Variants in DNAJC2 observed in about 807,000 individuals in gnomAD.
The protein encoded by DNAJC2 is DnaJ heat shock protein family (Hsp40) member C2.
Under a neutral mutation model 94.0 loss-of-function variants are expected in DNAJC2, and 32 were observed. The observed-to-expected ratio is 0.34, with a 90% CI of 0.26 to 0.46. DNAJC2 has a LOEUF of 0.46. Ranked by LOEUF, DNAJC2 falls within the 20% of genes least tolerant of loss-of-function variation. The pLI is 1.00. For missense variants in DNAJC2, 550 were observed against 719.5 expected (o/e 0.76, Z 2.69); for synonymous variants, 210 against 229.7 (o/e 0.91, Z 0.77).
intron 15 of DNAJC2, chr7:103,314,774 G>A: frequency 2.3e-6 from 1 of 435,048 alleles, no homozygotes; most frequent in Non-Finnish European, 3.1e-6. Context: ...GAAATTTTGG[G>A]ATAATAAGCA....
chr7:103,321,820 C>T lies in DNAJC2; in HGVS notation c.1083+112G>A, dbSNP rs915343220. ...CTGAGATCGCGCCACTGCACTCCAG[C>T]CTGGGCGACAGAGCGAGACCCCATC... On this transcript the variant is annotated intron_variant, in intron 10 of 16. Coordinates refer to ENST00000379263, the MANE Select transcript of DNAJC2 (RefSeq NM_014377.3). 3.6e-5 allele frequency: 46 copies of T among 1,266,352 alleles called. 1 individual carries two copies. In the South Asian group the frequency reaches 7.4e-4, roughly 20 times the overall value. 78.4% of individuals were successfully genotyped at this position (1,266,352 alleles called of 1,614,324 possible). A position where few individuals can be genotyped will look rare whatever the true frequency, so the allele number is the denominator to read the frequency against.
intron 10 of DNAJC2, among the ~76,000 whole-genome samples, chr7:103,321,315 A>G (rs111384886): frequency 0.05 from 7,569 of 151,486 alleles, 608 homozygotes; most frequent in African/African-American, 0.18. Flanking sequence ...TCAGGAGTTC[A>G]AGACCAGCCT....
intron 3 of DNAJC2, chr7:103,337,179 T>C (rs879673885): frequency 3.9e-5 from 6 of 152,480 alleles, no homozygotes; most frequent in African/African-American, 7.2e-5. Context: ...TTGCAAAGCA[T>C]AGGACATTTA....
rs1451115500 is a variant in DNAJC2 at position 103,337,571 on chromosome 7, C to T, written c.331+165G>A. ...TAAAATGGATTGCTTTCTTCTGATT[C>T]TGAAGGCAGGGGAGACCGTGGTTTT... On this transcript the variant is annotated intron_variant, in intron 3 of 16. Transcript: ENST00000379263. 7.0e-6 allele frequency: 4 copies of T among 567,912 alleles called. No individual in the cohort carries two copies. In the East Asian group the frequency reaches 1.2e-4, roughly 17 times the overall value. 35.2% of individuals were successfully genotyped at this position (567,912 alleles called of 1,614,324 possible). A position where few individuals can be genotyped will look rare whatever the true frequency, so the allele number is the denominator to read the frequency against.
chr7:103,330,605 C>T (rs951562171), intron 3 of DNAJC2, among the ~76,000 whole-genome samples: 1 of 152,136 alleles, frequency 6.6e-6, no homozygotes, highest in African/African-American at 2.4e-5. Context: ...CCATGTGCCA[C>T]TACGCCCGGC....
Position 103,344,636 on chromosome 7 carries a change from C to G in DNAJC2, c.-14G>C, listed in dbSNP as rs757201918. On this transcript the variant is annotated 5_prime_UTR_variant, in exon 1 of 17. Transcript: ENST00000379263. ...CAGAAGCAGCATGATGGCGCCGGGT[C>G]TAGCCCGGTGGGCGCAGCGGCTCAC... 1 of 1,607,336 alleles carries G rather than the reference C, an allele frequency of 6.2e-7. No individual in the cohort carries two copies. Among genetic ancestry groups the G allele is most frequent in the Non-Finnish European group, 8.5e-7 (1 of 1,179,742 alleles).
At chr7:103,322,425 T>A in intron 9 of DNAJC2, 86 bp downstream of exon 9, 1 of 1,279,810 alleles carries the variant, frequency 7.8e-7, no homozygotes, top group Non-Finnish European at 1.1e-6. Flanking sequence ...AATTATAGTT[T>A]TTTTTAAAAA....
chr7:103,326,847 G>GCA (rs1271964529), intron 4 of DNAJC2, among the ~76,000 whole-genome samples, 163 bp from the exon 5 acceptor site: 1 of 152,102 alleles, frequency 6.6e-6, no homozygotes. Context: ...AACAGCTTTA[G>GCA]CACTACTGGA....
Position 103,336,994 on chromosome 7 carries a change from C to A in DNAJC2, c.331+742G>T, listed in dbSNP as rs193107658. ...TCTTGACAGGCCCTGACTCCCTGCT[C>A]CTTTTCCATGTGGCCACAATCTTAC... On this transcript the variant is annotated intron_variant, in intron 3 of 16. Coordinates refer to ENST00000379263, the MANE Select transcript of DNAJC2 (RefSeq NM_014377.3). 2.6e-5 allele frequency: 4 copies of A among 152,340 alleles called. No homozygotes were observed. The East Asian group carries it at 5.8e-4, about 22-fold the overall frequency. 9.4% of individuals were successfully genotyped at this position (152,340 alleles called of 1,614,324 possible). A position where few individuals can be genotyped will look rare whatever the true frequency, so the allele number is the denominator to read the frequency against.
intron 13 of DNAJC2, chr7:103,316,519 A>G: frequency 3.7e-6 from 1 of 268,856 alleles, no homozygotes; most frequent in African/African-American, 2.2e-5. Context: ...AAGACTGTAA[A>G]AGAAAAACTA....
In DNAJC2 at chr7:103,333,586, T is replaced by C. The variant is rs1013895996; in HGVS notation, c.331+4150A>G. On this transcript the variant is annotated intron_variant, in intron 3 of 16. Transcript: ENST00000379263. Reference sequence around the variant, plus strand: ...GAGTTCTGACAATCATATACACTTATGTAACTACTATCCAAAGGAAAATAT... The same window carrying C: ...GAGTTCTGACAATCATATACACTTACGTAACTACTATCCAAAGGAAAATAT... Among the ~76,000 whole-genome samples the C allele has an allele frequency of 5.9e-5, 9 of 152,346 alleles. 1 individual carries two copies. The highest frequency in any genetic ancestry group is 5.9e-4 in the Admixed American group (9 of 15,300).
At chr7:103,327,132 T>C (rs1284604147) in intron 4 of DNAJC2, among the ~76,000 whole-genome samples, 1 of 152,140 alleles carries the variant, frequency 6.6e-6, no homozygotes, top group Non-Finnish European at 1.5e-5. Context: ...CATTTAGAAA[T>C]GGTGGTAACC....
At chr7:103,326,818 A>G in intron 4 of DNAJC2, 134 bp from the exon 5 acceptor site, 1 of 846,498 alleles carries the variant, frequency 1.2e-6, no homozygotes, top group Non-Finnish European at 1.8e-6. Context: ...CAGGTTGGGG[A>G]GGATTTAATT....
At chr7:103,331,173 G>A (rs1397247800) in intron 3 of DNAJC2, among the ~76,000 whole-genome samples, 1 of 152,022 alleles carries the variant, frequency 6.6e-6, no homozygotes, top group Non-Finnish European at 1.5e-5. Context: ...GCCAGGCTTG[G>A]TCTTGAACTC....
In DNAJC2 at chr7:103,312,959, C is replaced by T. The variant is rs749752258; in HGVS notation, c.1779G>A (p.Met593Ile). The change falls in exon 16 of 17, where the codon ATG becomes ATA. Residue 593 changes from methionine (M) to isoleucine (I), a missense_variant. Met to Ile is a conservative substitution (Grantham distance 10, BLOSUM62 1). This residue lies in a region of DNAJC2 where 271 missense variants were observed against 302.6 expected (regional missense o/e 0.90). Transcript: ENST00000379263. Reference sequence around the variant, plus strand: ...TTAAGTCTGCAACCTTGTATCGTTTCATGCAGTCCTTCTTTGTCCTGCCAG... The same window carrying T: ...TTAAGTCTGCAACCTTGTATCGTTTTATGCAGTCCTTCTTTGTCCTGCCAG... ...AVPGRTKKDC[M>I]KRYKELVEMV... The T allele has an allele frequency of 1.9e-6, 3 of 1,612,836 alleles. No homozygotes were observed. In the South Asian group the frequency reaches 3.3e-5, roughly 18 times the overall value.
chr7:103,321,929 T>C lies in DNAJC2; in HGVS notation c.1083+3A>G. ...TGCCTAGTGTTTGTTCAGTCTGATA[T>C]ACCTTGCATGAGTTTCGAAGTTTTT... On this transcript the variant is annotated splice_donor_region_variant and intron_variant, in intron 10 of 16. Transcript: ENST00000379263. 1 of 1,612,972 alleles carries C rather than the reference T, an allele frequency of 6.2e-7. No homozygotes were observed. Among genetic ancestry groups the C allele is most frequent in the Non-Finnish European group, 8.5e-7 (1 of 1,179,340 alleles).
At position 103,321,916 on chromosome 7, in the gene DNAJC2, G is replaced by A. The variant is rs933969141; in HGVS notation, c.1083+16C>T. The stretch of plus-strand genomic sequence containing the variant: ...CTTGATTTACTTGTGCCTAGTGTTT[G>A]TTCAGTCTGATATACCTTGCATGAG... On this transcript the variant is annotated intron_variant, in intron 10 of 16. Coordinates refer to ENST00000379263, the MANE Select transcript of DNAJC2 (RefSeq NM_014377.3). The A allele has an allele frequency of 1.2e-6, 2 of 1,601,274 alleles. No individual in the cohort carries two copies. Among genetic ancestry groups the A allele is most frequent in the East Asian group, 4.5e-5 (2 of 44,618 alleles).
chr7:103,312,378 A>T lies in DNAJC2; in HGVS notation c.*191T>A. 1.9e-6 allele frequency: 3 copies of T among 1,540,272 alleles called. No homozygotes were observed. Among genetic ancestry groups the T allele is most frequent in the Non-Finnish European group, 2.6e-6 (3 of 1,152,204 alleles). ...TTTGGAAATTTGAATTAAATACTGTATCATACTTTCAAAGGATAAAAAGAC... is the reference window on the plus strand; with the variant it reads ...TTTGGAAATTTGAATTAAATACTGTTTCATACTTTCAAAGGATAAAAAGAC... On this transcript the variant is annotated 3_prime_UTR_variant, in exon 17 of 17. Coordinates refer to ENST00000379263, the MANE Select transcript of DNAJC2 (RefSeq NM_014377.3).
intron 3 of DNAJC2, chr7:103,329,131 G>A: frequency 2.5e-6 from 1 of 402,462 alleles, no homozygotes; most frequent in Non-Finnish European, 4.3e-6. Flanking sequence ...AGGAGGGGCT[G>A]TCTCAGTTTT....
Sources: allele counts gnomAD v4.1 joint callset (sites outside exome capture counted in the v4.1 genomes callset), GRCh38; gene constraint gnomAD v4.1.1; regional missense constraint gnomAD v4.1.1; transcripts MANE v1.5; gene names NCBI Gene and HGNC (gene_info 2026-07-23, HGNC 2026-07-21).